The following DNAJC17 variants were observed in gnomAD, a reference collection of about 807,000 sequenced individuals.
DNAJC17 encodes the protein dnaJ homolog subfamily C member 17.
DNAJC17 carries 35 observed loss-of-function variants against 48.1 expected under a neutral mutation model. The observed-to-expected ratio is 0.73, with a 90% CI of 0.56 to 0.96. DNAJC17 has a LOEUF of 0.96. Ranked by LOEUF, DNAJC17 falls within the 50% of genes least tolerant of loss-of-function variation. The pLI, the probability that DNAJC17 is intolerant of heterozygous loss-of-function variation, is 0.00. For synonymous variants in DNAJC17, 117 were observed against 142.7 expected, an observed-to-expected ratio of 0.82 and a Z score of 1.28; for missense variants, 355 against 377.1, an observed-to-expected ratio of 0.94 and a Z score of 0.48.
rs541596937 is a variant in DNAJC17, at chr15:40,803,476, T to C, written c.78+3893A>G. ...AAGTGCTAGAAAGGAGAATGGCTGC[T>C]ATGAAAAGAAAAATAGGTAAGGCCT... is the stretch of plus-strand genomic sequence containing the variant. On this transcript the variant is annotated intron_variant, in intron 1 of 10. Transcript: ENST00000220496. Among the ~76,000 whole-genome samples the C allele has an allele frequency of 8.5e-5, 13 of 152,338 alleles. No homozygotes were observed. The South Asian group carries it at 2.7e-3, about 32-fold the overall frequency.
At chr15:40,774,020 G>A (rs1889243945) in intron 9 of DNAJC17, among the ~76,000 whole-genome samples, 183 bp from the exon 10 acceptor site, 1 of 152,220 alleles carries the variant, frequency 6.6e-6, no homozygotes, top group African/African-American at 2.4e-5. Context: ...GGTTGGGGGA[G>A]CTTTCTGATG....
At chr15:40,804,139 T>TAAA (rs1320546837) in intron 1 of DNAJC17, among the ~76,000 whole-genome samples, 5 of 150,714 alleles carry the variant, frequency 3.3e-5, no homozygotes, top group African/African-American at 1.2e-4. Context: ...GCTTTTTTTT[T>TAAA]TATATATAGA....
At chr15:40,801,244 G>A (rs1233836904) in intron 1 of DNAJC17, among the ~76,000 whole-genome samples, 3 of 152,128 alleles carry the variant, frequency 2.0e-5, no homozygotes, top group Non-Finnish European at 4.4e-5. Context: ...GGGGATTAAG[G>A]CATGAGACAA....
rs1596072924 is a variant in DNAJC17 at position 40,770,994 on chromosome 15, G to A, written c.792+2733C>T. ...TGAGGAAGTTCTGCAGATGCTAAGGGAGCAGTTTCCTAGCGAGCCCAGCTT... is the reference window on the plus strand; with the variant it reads ...TGAGGAAGTTCTGCAGATGCTAAGGAAGCAGTTTCCTAGCGAGCCCAGCTT... On this transcript the variant is annotated intron_variant, in intron 10 of 10. Coordinates refer to ENST00000220496, the MANE Select transcript of DNAJC17 (RefSeq NM_018163.3). The surrounding 1 kb of genome is among the most constrained non-coding windows in gnomAD (Gnocchi z 5.0). 30 of 1,551,066 alleles carry A rather than the reference G, an allele frequency of 1.9e-5. No homozygotes were observed. The East Asian group carries it at 7.1e-4, about 37-fold the overall frequency.
intron 7 of DNAJC17, 179 bp downstream of exon 7, chr15:40,775,374 C>G (rs73398526): frequency 1.3e-6 from 1 of 792,036 alleles, no homozygotes; most frequent in African/African-American, 1.7e-5. Flanking sequence ...CTAAAAGCAG[C>G]CTTTCGTGGC....
chr15:40,794,989 G>A (rs2141960806), intron 1 of DNAJC17, among the ~76,000 whole-genome samples: 1 of 152,200 alleles, frequency 6.6e-6, no homozygotes, highest in South Asian at 2.1e-4. Context: ...AAAGTGCTCG[G>A]ATTACAGGCA....
chr15:40,770,865 T>A lies in DNAJC17; in HGVS notation c.793-2803A>T. 6.4e-7 allele frequency: 1 copy of A among 1,551,478 alleles called. No individual in the cohort carries two copies. The highest frequency in any genetic ancestry group is 8.7e-7 in the Non-Finnish European group (1 of 1,146,982). On this transcript the variant is annotated intron_variant, in intron 10 of 10. Transcript: ENST00000220496. This position sits in a 1 kb window ranked among gnomAD's most constrained non-coding sequence, Gnocchi z 5.0. ...TCTGTCGAGTGCCCTCCACCAGCAC[T>A]CAGAGAAGGGCCTTGTGGACACTCC...
In DNAJC17 at chr15:40,767,251, C is replaced by T. The variant is rs1410432379; in HGVS notation, c.*689G>A. 6.3e-7 allele frequency: 1 copy of T among 1,591,722 alleles called. No individual in the cohort carries two copies. The highest frequency in any genetic ancestry group is 8.6e-7 in the Non-Finnish European group (1 of 1,169,386). On this transcript the variant is annotated 3_prime_UTR_variant, in exon 11 of 11. Coordinates refer to ENST00000220496, the MANE Select transcript of DNAJC17 (RefSeq NM_018163.3). ...TTATGAATACTACGTCGATGACCCT[C>T]CCCGCATAGTCCTGGACAAGCTGGA...
intron 1 of DNAJC17, among the ~76,000 whole-genome samples, chr15:40,783,421 G>A (rs1441112820): frequency 2.0e-5 from 3 of 152,182 alleles, no homozygotes; most frequent in African/African-American, 7.2e-5. Context: ...AGGAAGGGAG[G>A]GGGAGGCGGT....
At chr15:40,806,728 C>A (rs1210576120) in intron 1 of DNAJC17, among the ~76,000 whole-genome samples, 1 of 152,146 alleles carries the variant, frequency 6.6e-6, no homozygotes. Context: ...TGTTTCACTC[C>A]CTGGCATCTT....
At chr15:40,774,991 A>G in intron 8 of DNAJC17, 40 bp downstream of exon 8, 1 of 1,607,422 alleles carries the variant, frequency 6.2e-7, no homozygotes, top group Non-Finnish European at 8.5e-7. Flanking sequence ...TGAGACGTGG[A>G]CTGAGATGAT....
At chr15:40,801,737 CA>C (rs1048222450) in intron 1 of DNAJC17, among the ~76,000 whole-genome samples, 5,488 of 63,906 alleles carry the variant, frequency 0.086, 83 homozygotes, top group African/African-American at 0.2. Context: ...GACTCCGTCT[CA>C]AAAAAAAAAA....
At chr15:40,801,713 G>T (rs1255053816) in intron 1 of DNAJC17, among the ~76,000 whole-genome samples, 1 of 149,666 alleles carries the variant, frequency 6.7e-6, no homozygotes. Flanking sequence ...ACTCCAGCCT[G>T]GGTGACAGAG....
intron 2 of DNAJC17, 115 bp downstream of exon 2, chr15:40,779,813 G>C (rs1316450732): frequency 7.8e-7 from 1 of 1,288,584 alleles, no homozygotes; most frequent in African/African-American, 1.5e-5. Flanking sequence ...CCATTGCCTG[G>C]AGCCAGGCAA....
chr15:40,768,085 G>T, intron 10 of DNAJC17, 23 bp from the exon 11 acceptor site: 1 of 1,525,158 alleles, frequency 6.6e-7, no homozygotes. Flanking sequence ...GCAGGGACAG[G>T]GAGGGGTCAG....
chr15:40,776,572 C>T lies in DNAJC17; in HGVS notation c.351G>A (p.Glu117=). ...GCTCTAGTGTCCTGGTGCTCCGGCT[C>T]TCCTCTTCCTCCTCACTCTCCTGGG... ...AQAQESEEEE[E]SRSTRTLEQE... is the part of the protein sequence containing the mutation. The change falls in exon 5 of 11, where the codon GAG becomes GAA. Residue 117 remains glutamate (E), a synonymous_variant. Coordinates refer to ENST00000220496, the MANE Select transcript of DNAJC17 (RefSeq NM_018163.3). 2 of 1,614,052 alleles carry T rather than the reference C, an allele frequency of 1.2e-6. No homozygotes were observed. The highest frequency in any genetic ancestry group is 2.7e-5 in the African/African-American group (2 of 75,050).
intron 1 of DNAJC17, among the ~76,000 whole-genome samples, chr15:40,796,425 A>G (rs1001584030): frequency 5.3e-5 from 8 of 152,194 alleles, no homozygotes; most frequent in Non-Finnish European, 1.2e-4. Context: ...TTGAATGGAA[A>G]CCTGAATTAG....
At chr15:40,775,265 C>A in intron 7 of DNAJC17, 157 bp from the exon 8 acceptor site, 2 of 866,108 alleles carry the variant, frequency 2.3e-6, no homozygotes, top group Non-Finnish European at 3.6e-6. Flanking sequence ...CCCTTGGGAA[C>A]TTGAAGGCAG....
At chr15:40,776,688 C>T (rs1235559099) in intron 4 of DNAJC17, 61 bp from the exon 5 acceptor site, 1 of 1,569,886 alleles carries the variant, frequency 6.4e-7, no homozygotes, top group Admixed American at 1.7e-5. Flanking sequence ...TGGCCTCGGC[C>T]CACCCCAGCT....
Sources: allele counts gnomAD v4.1 joint callset (sites outside exome capture counted in the v4.1 genomes callset), GRCh38; gene constraint gnomAD v4.1.1; non-coding constraint Gnocchi (gnomAD v3.1); transcripts MANE v1.5; gene names NCBI Gene and HGNC (gene_info 2026-07-23, HGNC 2026-07-21).